The following CHD8 variants were observed in gnomAD, a reference collection of about 807,000 sequenced individuals.
CHD8 encodes chromodomain helicase DNA binding protein 8.
CHD8 carries 31 observed loss-of-function variants against 279.2 expected under a neutral mutation model. That is an observed-to-expected ratio of 0.11 (90% confidence interval 0.08 to 0.15). The LOEUF (loss-of-function observed/expected upper bound fraction) is 0.15. CHD8 is among the 10% of genes least tolerant of loss of function. The pLI is 1.00. For synonymous variants in CHD8, 1,081 were observed against 1,139.6 expected, an observed-to-expected ratio of 0.95 and a Z score of 1.04; for missense variants, 2,146 against 3,230.5, an observed-to-expected ratio of 0.66 and a Z score of 8.14.
chr14:21,452,123 C>T (rs890684942), intron 1 of CHD8, among the ~76,000 whole-genome samples: 18 of 152,138 alleles, frequency 1.2e-4, no homozygotes, highest in African/African-American at 3.1e-4. Context: ...TCACTGCCAT[C>T]TCCGCCTCCC....
At chr14:21,395,696 A>G (rs956901828) in intron 28 of CHD8, 121 bp downstream of exon 28, 1 of 706,848 alleles carries the variant, frequency 1.4e-6, no homozygotes, top group Non-Finnish European at 2.5e-6. Flanking sequence ...CTCAAATGGT[A>G]TAATTCATTT....
intron 4 of CHD8, chr14:21,427,571 C>A (rs1224838353): frequency 2.2e-6 from 3 of 1,367,936 alleles, no homozygotes; most frequent in South Asian, 3.9e-5. Flanking sequence ...TACTCTTGCA[C>A]GTCCCATCAC....
Position 21,391,866 on chromosome 14 carries a change from A to C in CHD8, c.6852T>G (p.His2284Gln). 6.2e-7 allele frequency: 1 copy of C among 1,613,630 alleles called. No homozygotes were observed. The highest frequency in any genetic ancestry group is 8.5e-7 in the Non-Finnish European group (1 of 1,179,582). ...GVMGDGHPLF[H>Q]KKKGNRKKLV... ...GCTTCTTTCTGTTCCCCTTCTTCTTATGAAACAGTGGATGTCCATCTCCCA... is the reference window on the plus strand; with the variant it reads ...GCTTCTTTCTGTTCCCCTTCTTCTTCTGAAACAGTGGATGTCCATCTCCCA... The change falls in exon 35 of 38, where the codon CAT becomes CAG. Residue 2284 changes from histidine to glutamine, a missense_variant. By Grantham distance (24) the His-to-Gln change is conservative. Transcript: ENST00000646647.
At chr14:21,425,228 A>G (rs924435900) in intron 5 of CHD8, 7 of 152,146 alleles carry the variant, frequency 4.6e-5, no homozygotes, top group African/African-American at 1.4e-4. Flanking sequence ...GAGAGAGTCA[A>G]GTTCTGGCCC....
Position 21,395,321 on chromosome 14 carries a change from A to T in CHD8, c.5159T>A (p.Ile1720Asn). ...ACCTTCATCTCCATCAATCACTGAG[A>T]TCTCCTCATCCATCATCATCAAGGG... is the stretch of plus-strand genomic sequence containing the variant. ...GDPLMMMDEE[I>N]SVIDGDEAQV... Residue 1720 changes from isoleucine to asparagine, a missense_variant, in exon 29 of 38, where the codon ATC (isoleucine) becomes AAC (asparagine). Physicochemically the swap from Ile to Asn is moderately radical, Grantham distance 149. This residue lies in a region of CHD8 where 75 missense variants were observed against 81.3 expected (regional missense o/e 0.92). Coordinates refer to ENST00000646647, the MANE Select transcript of CHD8 (RefSeq NM_001170629.2). 1 of 1,609,060 alleles carries T rather than the reference A, an allele frequency of 6.2e-7. No individual in the cohort carries two copies. The highest frequency in any genetic ancestry group is 8.5e-7 in the Non-Finnish European group (1 of 1,176,964).
intron 1 of CHD8, among the ~76,000 whole-genome samples, chr14:21,441,713 C>A (rs1033365991): frequency 6.6e-6 from 1 of 151,888 alleles, no homozygotes; most frequent in Admixed American, 6.6e-5. Context: ...ACGGTGAAAC[C>A]CCGTCTCTAC....
Position 21,451,719 on chromosome 14 carries a change from C to A in CHD8, c.-216+4313G>T, listed in dbSNP as rs761386030. Among the ~76,000 whole-genome samples, 6 of 151,576 alleles carry A rather than the reference C, an allele frequency of 4.0e-5. No homozygotes were observed. In the South Asian group the frequency reaches 1.2e-3, roughly 31 times the overall value. On this transcript the variant is annotated intron_variant, in intron 1 of 37. Transcript: ENST00000646647. ...TAAGTCTCCTGCTGCAACCTGAAGG[C>A]AACAAATAAGATATTTTGAAGTTGA... is the stretch of plus-strand genomic sequence containing the variant.
chr14:21,440,584 G>C (rs910015207), intron 1 of CHD8, among the ~76,000 whole-genome samples: 5 of 152,160 alleles, frequency 3.3e-5, no homozygotes, highest in African/African-American at 9.7e-5. Flanking sequence ...GGGATATTCA[G>C]GCAGCAGGGA....
intron 1 of CHD8, among the ~76,000 whole-genome samples, chr14:21,441,701 A>C (rs533289405): frequency 3.9e-5 from 6 of 152,178 alleles, no homozygotes; most frequent in Admixed American, 1.3e-4. Flanking sequence ...ATCCTGGCTA[A>C]CACGGTGAAA....
At chr14:21,416,342 T>G (rs1435898402) in intron 5 of CHD8, 1 of 153,574 alleles carries the variant, frequency 6.5e-6, no homozygotes, top group Non-Finnish European at 1.4e-5. Context: ...TGCCACTTAC[T>G]TTTTTATTTA....
Position 21,394,661 on chromosome 14 carries a change from G to T in CHD8, c.5391-176C>A, listed in dbSNP as rs935843478. The T allele has an allele frequency of 3.8e-5, 23 of 598,776 alleles. No individual in the cohort carries two copies. In the African/African-American group the frequency reaches 4.5e-4, roughly 12 times the overall value. 37.1% of individuals were successfully genotyped at this position (598,776 alleles called of 1,614,324 possible). A position where few individuals can be genotyped will look rare whatever the true frequency, so the allele number is the denominator to read the frequency against. On this transcript the variant is annotated intron_variant, in intron 30 of 37. Coordinates refer to ENST00000646647, the MANE Select transcript of CHD8 (RefSeq NM_001170629.2). ...GGTAGTGAGAGGTACTCTGTAATGAGTAAGAATTACAGAGCCAAGGGGGAA... is the reference window on the plus strand; with the variant it reads ...GGTAGTGAGAGGTACTCTGTAATGATTAAGAATTACAGAGCCAAGGGGGAA...
chr14:21,411,788 G>A (rs115972859), intron 10 of CHD8, among the ~76,000 whole-genome samples: 1,932 of 152,292 alleles, frequency 0.013, 49 homozygotes, highest in African/African-American at 0.042. Flanking sequence ...GGTGCCAGGC[G>A]TAGGCGGCTC....
chr14:21,453,916 G>T lies in CHD8; in HGVS notation c.-216+2116C>A, dbSNP rs1890315439. ...CATGCCTGTAATCCCAGCACTTCGGGAGGCCGAGGCGGGAGGATCACGAGG... is the reference window on the plus strand; with the variant it reads ...CATGCCTGTAATCCCAGCACTTCGGTAGGCCGAGGCGGGAGGATCACGAGG... On this transcript the variant is annotated intron_variant, in intron 1 of 37. Transcript: ENST00000646647. Among the ~76,000 whole-genome samples the T allele has an allele frequency of 1.3e-5, 2 of 151,558 alleles. 1 individual carries two copies. Among genetic ancestry groups the T allele is most frequent in the African/African-American group, 4.9e-5 (2 of 40,910 alleles).
chr14:21,430,900 C>G lies in CHD8; in HGVS notation c.744G>C (p.Leu248=). 1 of 1,599,402 alleles carries G rather than the reference C, an allele frequency of 6.3e-7. No homozygotes were observed. The highest frequency in any genetic ancestry group is 8.5e-7 in the Non-Finnish European group (1 of 1,179,720). ...CTGAACCCTTAACTGGCTGGAGGAC[C>G]AGCTGCTTTACTGGTCGGCTGGGCT... The part of the protein sequence containing the change: ...IVQPSRPVKQ[L]VLQPVKGSAP... Residue 248 remains leucine (L), a synonymous_variant, in exon 2 of 38, where the codon CTG becomes CTC. Coordinates refer to ENST00000646647, the MANE Select transcript of CHD8 (RefSeq NM_001170629.2).
intron 5 of CHD8, 42 bp from the exon 6 acceptor site, chr14:21,415,949 C>A: frequency 6.6e-7 from 1 of 1,519,084 alleles, no homozygotes; most frequent in Non-Finnish European, 9.0e-7. Context: ...TTAGGTCTCT[C>A]ACAGAGAAGA....
intron 5 of CHD8, among the ~76,000 whole-genome samples, chr14:21,417,290 G>A (rs181014336): frequency 1.8e-4 from 28 of 152,172 alleles, no homozygotes; most frequent in African/African-American, 6.5e-4. Flanking sequence ...CTATAAATTT[G>A]CATATGTGCA....
chr14:21,401,557 A>T (rs77328066), intron 20 of CHD8, 44 bp from the exon 21 acceptor site: 4 of 866,966 alleles, frequency 4.6e-6, no homozygotes, highest in Non-Finnish European at 6.9e-6. Flanking sequence ...TTTTTTTTTT[A>T]AGTGGTGCAA....
chr14:21,448,116 C>T (rs1890171271), intron 1 of CHD8, among the ~76,000 whole-genome samples: 2 of 152,284 alleles, frequency 1.3e-5, no homozygotes, highest in East Asian at 1.9e-4. Flanking sequence ...TAAATATTTA[C>T]TTAATAACCA....
rs749483105 is a variant in CHD8 at position 21,409,869 on chromosome 14, G to A, written c.2346C>T (p.His782=). 2 of 1,613,322 alleles carry A rather than the reference G, an allele frequency of 1.2e-6. No individual in the cohort carries two copies. Among genetic ancestry groups the A allele is most frequent in the Non-Finnish European group, 1.7e-6 (2 of 1,179,640 alleles). The change falls in exon 11 of 38, where the codon CAC becomes CAT. Residue 782 remains histidine, a synonymous_variant. Transcript: ENST00000646647. ...TACTTACCACCCTTTTGAGTTCTGG[G>A]TGCCTTGACTGAATCCGTTTAAATT... ...IREFKRIQSR[H]PELKRVNRPQ... is the part of the protein sequence containing the mutation.
Sources: gnomAD v4.1 joint callset for allele counts (sites outside exome capture counted in the v4.1 genomes callset) on GRCh38, gnomAD v4.1.1 for gene constraint, gnomAD v4.1.1 regional missense constraint, MANE v1.5 for transcripts, NCBI Gene and HGNC (gene_info 2026-07-23, HGNC 2026-07-21) for gene names.